The following IMPA1 variants were observed in gnomAD, a reference collection of about 807,000 sequenced individuals.
The protein encoded by IMPA1 is D-galactose 1-phosphate phosphatase.
IMPA1 carries 21 observed loss-of-function variants against 34.9 expected under a neutral mutation model. The ratio of observed to expected loss-of-function variants is 0.60; its 90% CI spans 0.43 to 0.87. The LOEUF (loss-of-function observed/expected upper bound fraction) is 0.87, where lower values mean the gene tolerates loss of function less well. Ranked by LOEUF, IMPA1 falls within the 40% of genes least tolerant of loss-of-function variation. The pLI is 0.00. For missense variants in IMPA1, 299 were observed against 336.4 expected, an observed-to-expected ratio of 0.89 and a Z score of 0.87; for synonymous variants, 95 against 104.4, an observed-to-expected ratio of 0.91 and a Z score of 0.55.
chr8:81,675,102 G>A (rs763399682), intron 5 of IMPA1, among the ~76,000 whole-genome samples: 2 of 152,128 alleles, frequency 1.3e-5, no homozygotes, highest in Non-Finnish European at 2.9e-5. Context: ...TGGCCACAGT[G>A]CCTCACAGCA....
chr8:81,679,907 C>A, intron 3 of IMPA1, among the ~76,000 whole-genome samples: 1 of 151,814 alleles, frequency 6.6e-6, no homozygotes, highest in East Asian at 2.0e-4. Context: ...GAGGCTGAGG[C>A]GGGCGGACCA....
intron 6 of IMPA1, 93 bp downstream of exon 6, chr8:81,673,748 T>A (rs1807055691): frequency 1.4e-6 from 1 of 720,382 alleles, no homozygotes; most frequent in South Asian, 1.7e-5. Flanking sequence ...ATGAATCAGT[T>A]AACACCTGGA....
intron 1 of IMPA1, 55 bp downstream of exon 1, chr8:81,686,197 A>G (rs1807521138): frequency 9.9e-7 from 1 of 1,011,510 alleles, no homozygotes; most frequent in Admixed American, 5.2e-5. Context: ...CCTCCCTGGA[A>G]ACCCACAGCG....
At chr8:81,675,231 G>A (rs1386816885) in intron 5 of IMPA1, among the ~76,000 whole-genome samples, 2 of 151,822 alleles carry the variant, frequency 1.3e-5, no homozygotes, top group Non-Finnish European at 2.9e-5. Flanking sequence ...TGATTAAAAC[G>A]CCTTCCTCTT....
At chr8:81,683,522 A>G (rs534023172) in intron 1 of IMPA1, among the ~76,000 whole-genome samples, 1 of 152,314 alleles carries the variant, frequency 6.6e-6, no homozygotes, top group East Asian at 1.9e-4. Flanking sequence ...CTGGATGTCC[A>G]GATTTCCCAC....
intron 5 of IMPA1, 73 bp downstream of exon 5, chr8:81,676,161 T>G (rs780899317): frequency 1.2e-5 from 7 of 607,134 alleles, no homozygotes; most frequent in African/African-American, 1.9e-5. Flanking sequence ...GAATTTATTA[T>G]GAAAACACAT....
At chr8:81,681,403 G>A in intron 2 of IMPA1, 95 bp downstream of exon 2, 1 of 765,776 alleles carries the variant, frequency 1.3e-6, no homozygotes, top group South Asian at 1.5e-5. Flanking sequence ...TTCAAAAAAA[G>A]AAACCAAATC....
chr8:81,685,208 C>T (rs1201638130), intron 1 of IMPA1, among the ~76,000 whole-genome samples: 1 of 131,132 alleles, frequency 7.6e-6, no homozygotes, highest in Non-Finnish European at 1.5e-5. Flanking sequence ...TATTTAGATA[C>T]TATATATACT....
At chr8:81,665,433 A>C (rs941463623) in intron 7 of IMPA1, among the ~76,000 whole-genome samples, 1 of 152,172 alleles carries the variant, frequency 6.6e-6, no homozygotes, top group Non-Finnish European at 1.5e-5. Flanking sequence ...AAACTTAATA[A>C]AGAGAAATTA....
chr8:81,674,291 A>G, intron 5 of IMPA1: 1 of 202,890 alleles, frequency 4.9e-6, no homozygotes. Flanking sequence ...CTGCTCCATC[A>G]GCTGATTCCC....
At chr8:81,676,825 C>CA (rs970462241) in intron 4 of IMPA1, among the ~76,000 whole-genome samples, 6 of 150,638 alleles carry the variant, frequency 4.0e-5, no homozygotes, top group East Asian at 1.9e-4. Flanking sequence ...CCTGTTTCTA[C>CA]AAAAAAAAAG....
rs933111009 is a variant in IMPA1, at chr8:81,662,871, T to C, written c.567-2204A>G. On this transcript the variant is annotated intron_variant, in intron 7 of 8. Transcript: ENST00000256108. ...TTTCATCTACATGAATTCCTGAAAATTAAACAAAGGAAATTGATCCAGAAT... is the reference window on the plus strand; with the variant it reads ...TTTCATCTACATGAATTCCTGAAAACTAAACAAAGGAAATTGATCCAGAAT... 4.6e-5 allele frequency among the ~76,000 whole-genome samples: 7 copies of C among 152,302 alleles called. No individual in the cohort carries two copies. In the South Asian group the frequency reaches 1.5e-3, roughly 32 times the overall value.
intron 1 of IMPA1, among the ~76,000 whole-genome samples, chr8:81,684,806 T>C (rs1807444323): frequency 7.0e-6 from 1 of 142,404 alleles, no homozygotes; most frequent in African/African-American, 2.6e-5. Context: ...ATTTAGATAC[T>C]ATGTGGAGTA....
chr8:81,659,278 C>CA lies in IMPA1; in HGVS notation c.*72dup. On this transcript the variant is annotated 3_prime_UTR_variant, in exon 9 of 9. Coordinates refer to ENST00000256108, the MANE Select transcript of IMPA1 (RefSeq NM_005536.4). Reference sequence around the variant, plus strand: ...ATTTAAACCAAGCATATCATACATCCAAAACACATATCCATTGATGAGTCA... The same window carrying CA: ...ATTTAAACCAAGCATATCATACATCCAAAAACACATATCCATTGATGAGTCA... 1.2e-6 allele frequency: 1 copy of CA among 845,770 alleles called. No individual in the cohort carries two copies. The highest frequency in any genetic ancestry group is 2.1e-6 in the Non-Finnish European group (1 of 487,030). 52.4% of individuals were successfully genotyped at this position (845,770 alleles called of 1,614,324 possible).
chr8:81,662,835 T>C (rs1411195285), intron 7 of IMPA1, among the ~76,000 whole-genome samples: 1 of 152,212 alleles, frequency 6.6e-6, no homozygotes, highest in Non-Finnish European at 1.5e-5. Flanking sequence ...TCATATACCA[T>C]ACATAGTGAA....
rs1806566500 is a variant in IMPA1 at position 81,657,999 on chromosome 8, T to C, written c.*1352A>G. 1 of 152,148 alleles carries C rather than the reference T, an allele frequency of 6.6e-6. No homozygotes were observed. Among genetic ancestry groups the C allele is most frequent in the African/African-American group, 2.4e-5 (1 of 41,440 alleles). 9.4% of individuals were successfully genotyped at this position (152,148 alleles called of 1,614,324 possible). On this transcript the variant is annotated 3_prime_UTR_variant, in exon 9 of 9. Coordinates refer to ENST00000256108, the MANE Select transcript of IMPA1 (RefSeq NM_005536.4). Reference sequence around the variant, plus strand: ...GATCGTCTTATTAAAATAAATTTAATTGCAAAAACAACCTGTCTTAGAATA... The same window carrying C: ...GATCGTCTTATTAAAATAAATTTAACTGCAAAAACAACCTGTCTTAGAATA...
chr8:81,665,557 G>A (rs969910090), intron 7 of IMPA1, among the ~76,000 whole-genome samples: 1 of 152,032 alleles, frequency 6.6e-6, no homozygotes, highest in Non-Finnish European at 1.5e-5. Context: ...AATAACAGAA[G>A]TGCACTAGTA....
chr8:81,685,119 T>C (rs905348759), intron 1 of IMPA1, among the ~76,000 whole-genome samples: 1 of 135,576 alleles, frequency 7.4e-6, no homozygotes, highest in Non-Finnish European at 1.5e-5. Context: ...TAGTATACAT[T>C]AAGTATATTT....
At chr8:81,685,830 C>T (rs1585908694) in intron 1 of IMPA1, 1 of 1,551,084 alleles carries the variant, frequency 6.4e-7, no homozygotes, top group East Asian at 2.4e-5. Flanking sequence ...CACAGCCTTC[C>T]AGCGTAGGAG....
Sources: gnomAD v4.1 joint callset for allele counts (sites outside exome capture counted in the v4.1 genomes callset) on GRCh38, gnomAD v4.1.1 for gene constraint, MANE v1.5 for transcripts, NCBI Gene and HGNC (gene_info 2026-07-23, HGNC 2026-07-21) for gene names.